The following TMTC1 variants were observed in gnomAD, a reference collection of about 807,000 sequenced individuals.
TMTC1 encodes the protein protein O-mannosyl-transferase TMTC1.
TMTC1 carries 73 observed loss-of-function variants against 104.8 expected under a neutral mutation model. That is an observed-to-expected ratio of 0.70 (90% CI 0.58 to 0.85). TMTC1 has a LOEUF of 0.85. Among genes scored for constraint, TMTC1 ranks in the 40% least tolerant of loss-of-function variants. The pLI is 0.00. For missense variants in TMTC1, 1,035 were observed against 1,096.1 expected (o/e 0.94, Z 0.79); for synonymous variants, 434 against 428.7 (o/e 1.01, Z -0.15).
intron 3 of TMTC1, 125 bp from the exon 4 acceptor site, chr12:29,756,010 G>A: frequency 2.0e-6 from 2 of 1,024,034 alleles, no homozygotes; most frequent in Admixed American, 2.9e-5. Flanking sequence ...CAGGTAAGTA[G>A]AGATTTCTTA....
intron 6 of TMTC1, among the ~76,000 whole-genome samples, chr12:29,613,084 A>T (rs1389628533): frequency 6.6e-6 from 1 of 152,174 alleles, no homozygotes; most frequent in African/African-American, 2.4e-5. Flanking sequence ...TTTATGATGA[A>T]TTTTTCAGGA....
chr12:29,730,012 T>A (rs1942503833), intron 5 of TMTC1, among the ~76,000 whole-genome samples: 3 of 152,280 alleles, frequency 2.0e-5, no homozygotes, highest in Admixed American at 6.5e-5. Flanking sequence ...GCCTGCTGAT[T>A]ACATATAGCG....
At chr12:29,738,926 T>A (rs965328791) in intron 5 of TMTC1, among the ~76,000 whole-genome samples, 1 of 152,214 alleles carries the variant, frequency 6.6e-6, no homozygotes, top group Non-Finnish European at 1.5e-5. Context: ...GGTAAAGAAA[T>A]TTTTATATGA....
chr12:29,625,199 A>C (rs1021623767), intron 6 of TMTC1, among the ~76,000 whole-genome samples: 3 of 152,226 alleles, frequency 2.0e-5, no homozygotes, highest in Non-Finnish European at 4.4e-5. Flanking sequence ...AACAATGTCC[A>C]TAAAGCATGA....
intron 7 of TMTC1, among the ~76,000 whole-genome samples, chr12:29,584,626 G>A (rs1046386793): frequency 7.9e-5 from 12 of 151,750 alleles, no homozygotes; most frequent in Admixed American, 2.6e-4. Context: ...GGTGTGTGAT[G>A]TTCCCCTTCC....
intron 1 of TMTC1, among the ~76,000 whole-genome samples, chr12:29,780,685 G>T (rs1227747294): frequency 6.6e-6 from 1 of 152,154 alleles, no homozygotes; most frequent in East Asian, 1.9e-4. Context: ...ATATAAAATG[G>T]GTGAAATCTG....
intron 5 of TMTC1, among the ~76,000 whole-genome samples, chr12:29,648,741 A>G (rs1591859966): frequency 6.6e-6 from 1 of 152,266 alleles, no homozygotes; most frequent in East Asian, 1.9e-4. Flanking sequence ...TACATTAAAA[A>G]GAATAAAATG....
intron 11 of TMTC1, chr12:29,534,779 C>T (rs1027817621): frequency 6.6e-6 from 1 of 152,108 alleles, no homozygotes; most frequent in Non-Finnish European, 1.5e-5. Context: ...TAGCTGTTCT[C>T]ATAGAGTCAA....
chr12:29,522,535 G>A (rs555849905), intron 11 of TMTC1, among the ~76,000 whole-genome samples: 5 of 148,872 alleles, frequency 3.4e-5, no homozygotes, highest in African/African-American at 7.5e-5. Flanking sequence ...TGAAGCTCTC[G>A]TCCATTGAAG....
chr12:29,623,828 A>AATAAATTAAAT (rs1311422962), intron 6 of TMTC1, among the ~76,000 whole-genome samples: 1 of 146,180 alleles, frequency 6.8e-6, no homozygotes, highest in African/African-American at 2.7e-5. Context: ...TAAATAAATA[A>AATAAATTAAAT]ATTAAATTAA....
At chr12:29,523,228 C>T (rs927163940) in intron 11 of TMTC1, among the ~76,000 whole-genome samples, 1 of 152,116 alleles carries the variant, frequency 6.6e-6, no homozygotes, top group Non-Finnish European at 1.5e-5. Flanking sequence ...TTTATTTGAG[C>T]AAGAAAGAGT....
At chr12:29,772,140 C>T (rs1333551003) in intron 1 of TMTC1, among the ~76,000 whole-genome samples, 6 of 152,266 alleles carry the variant, frequency 3.9e-5, no homozygotes, top group African/African-American at 1.4e-4. Context: ...TTTCATACTT[C>T]TTTTTTATTT....
intron 2 of TMTC1, among the ~76,000 whole-genome samples, chr12:29,763,047 G>C (rs1943388006): frequency 1.3e-5 from 2 of 152,218 alleles, no homozygotes. Flanking sequence ...CCAACAGCAA[G>C]ACTTGCAAGC....
At chr12:29,650,653 G>T (rs185779026) in intron 5 of TMTC1, among the ~76,000 whole-genome samples, 1 of 152,318 alleles carries the variant, frequency 6.6e-6, no homozygotes, top group Non-Finnish European at 1.5e-5. Context: ...CAGACTAGAA[G>T]CAGAAAGCAG....
rs552868437 is a variant in TMTC1, at chr12:29,783,221, G to C, written c.302+229C>G. On this transcript the variant is annotated intron_variant, in intron 1 of 17. Transcript: ENST00000539277. The surrounding 1 kb of genome is among the most constrained non-coding windows in gnomAD (Gnocchi z 4.7). ...GAGAGGGCAGACAGTTGAGAAACTC[G>C]ATCCCAACTCCCCAGCCGGCGCCTC... Among the ~76,000 whole-genome samples, 7 of 152,266 alleles carry C rather than the reference G, an allele frequency of 4.6e-5. No homozygotes were observed. The highest frequency in any genetic ancestry group is 8.8e-5 in the Non-Finnish European group (6 of 68,018).
intron 5 of TMTC1, among the ~76,000 whole-genome samples, chr12:29,735,168 A>G (rs1231698158): frequency 6.6e-6 from 1 of 152,256 alleles, no homozygotes; most frequent in Non-Finnish European, 1.5e-5. Context: ...AGTCCTCTGC[A>G]TTCTTTAAGT....
chr12:29,638,572 G>A lies in TMTC1; in HGVS notation c.939-5236C>T, dbSNP rs57467284. ...TGGTGATAAGGCTGAGGGTCTAATT[G>A]AGCTGATTAACACAAGCCGCCTGCA... On this transcript the variant is annotated intron_variant, in intron 5 of 17. Transcript: ENST00000539277. Among the ~76,000 whole-genome samples the A allele has an allele frequency of 3.6e-3, 545 of 152,274 alleles. 2 individuals carry two copies. Among genetic ancestry groups the A allele is most frequent in the African/African-American group, 0.012 (506 of 41,548 alleles).
chr12:29,646,329 A>G (rs890777625), intron 5 of TMTC1, among the ~76,000 whole-genome samples: 3 of 152,248 alleles, frequency 2.0e-5, no homozygotes, highest in Admixed American at 2.0e-4. Context: ...ATCCTTAAAT[A>G]AAAGCTCAGG....
At chr12:29,635,931 G>A in intron 5 of TMTC1, among the ~76,000 whole-genome samples, 1 of 152,204 alleles carries the variant, frequency 6.6e-6, no homozygotes, top group East Asian at 1.9e-4. Context: ...TTGTTTGGAT[G>A]CTAATTCAAA....
Sources: gnomAD v4.1 joint callset for allele counts (sites outside exome capture counted in the v4.1 genomes callset) on GRCh38, gnomAD v4.1.1 for gene constraint, Gnocchi (gnomAD v3.1) non-coding constraint, MANE v1.5 for transcripts, NCBI Gene and HGNC (gene_info 2026-07-23, HGNC 2026-07-21) for gene names.